UVRAG: variants seen among roughly 807,000 people sequenced by gnomAD.
The protein encoded by UVRAG is UV radiation resistance-associated gene protein.
A neutral mutation model predicts 78.0 loss-of-function variants in UVRAG; 19 were observed. That is an observed-to-expected ratio of 0.24 (90% CI 0.17 to 0.36). The LOEUF (loss-of-function observed/expected upper bound fraction) is 0.36. UVRAG is among the 10% of genes least tolerant of loss of function. The pLI is 1.00. For missense variants in UVRAG, 740 were observed against 853.8 expected (o/e 0.87, Z 1.66); for synonymous variants, 323 against 324.6 (o/e 1.00, Z 0.05).
At chr11:75,990,636 A>G (rs1949586737) in intron 8 of UVRAG, among the ~76,000 whole-genome samples, 1 of 152,212 alleles carries the variant, frequency 6.6e-6, no homozygotes, top group Admixed American at 6.5e-5. Context: ...GCTTTGTTCT[A>G]TCTTACCTGC....
At chr11:76,103,539 T>G (rs1482199045) in intron 13 of UVRAG, among the ~76,000 whole-genome samples, 2 of 120,560 alleles carry the variant, frequency 1.7e-5, no homozygotes, top group Non-Finnish European at 3.2e-5. Context: ...CTGTTTTGGT[T>G]TTTTTTTTTT....
chr11:75,949,772 C>T (rs1417976261), intron 6 of UVRAG, among the ~76,000 whole-genome samples: 1 of 146,832 alleles, frequency 6.8e-6, no homozygotes, highest in African/African-American at 2.6e-5. Context: ...TACATATATA[C>T]ACATATATAT....
intron 12 of UVRAG, 56 bp downstream of exon 12, chr11:76,017,036 G>A (rs1950160951): frequency 2.3e-6 from 3 of 1,317,486 alleles, no homozygotes; most frequent in Non-Finnish European, 2.0e-6. Context: ...ATAAAACATG[G>A]GGTATAACAA....
chr11:76,099,980 A>T (rs1951851169), intron 13 of UVRAG, among the ~76,000 whole-genome samples: 1 of 152,044 alleles, frequency 6.6e-6, no homozygotes, highest in South Asian at 2.1e-4. Context: ...AGTAGTGAAC[A>T]TCTCTGTCTT....
intron 3 of UVRAG, among the ~76,000 whole-genome samples, chr11:75,865,734 C>T (rs1203227792): frequency 6.6e-6 from 1 of 151,968 alleles, no homozygotes; most frequent in East Asian, 1.9e-4. Context: ...CTTGCTTCAG[C>T]CTCCTGAGTA....
intron 13 of UVRAG, among the ~76,000 whole-genome samples, chr11:76,076,541 A>G (rs528018762): frequency 6.6e-6 from 1 of 152,188 alleles, no homozygotes; most frequent in Non-Finnish European, 1.5e-5. Flanking sequence ...ACGTGGAATT[A>G]TGGGAGCTAC....
intron 13 of UVRAG, among the ~76,000 whole-genome samples, chr11:76,071,768 G>A (rs1448506331): frequency 6.6e-6 from 1 of 152,094 alleles, no homozygotes; most frequent in Non-Finnish European, 1.5e-5. Context: ...TATGGGACAT[G>A]AACTAGTGGA....
chr11:76,124,913 A>T (rs1336911430), intron 14 of UVRAG, among the ~76,000 whole-genome samples: 1 of 152,244 alleles, frequency 6.6e-6, no homozygotes, highest in East Asian at 1.9e-4. Flanking sequence ...GAGCCAATCT[A>T]CTTTCCTTAA....
At chr11:75,877,685 G>C (rs1946829670) in intron 3 of UVRAG, among the ~76,000 whole-genome samples, 1 of 140,414 alleles carries the variant, frequency 7.1e-6, no homozygotes, top group Admixed American at 6.8e-5. Context: ...AGGGGCGGCT[G>C]GGCAGAGGCG....
intron 8 of UVRAG, among the ~76,000 whole-genome samples, chr11:75,985,985 A>C (rs1001349832): frequency 7.9e-5 from 12 of 152,092 alleles, no homozygotes; most frequent in African/African-American, 2.7e-4. Context: ...TTTTTCTTCA[A>C]GATTACCTCA....
rs1951883889 is a variant in UVRAG at position 76,101,781 on chromosome 11, T to A, written c.1306-14143T>A. On this transcript the variant is annotated intron_variant, in intron 13 of 14. Transcript: ENST00000356136. ...GTATGGCATAAGGAAGGGGGTTCAATTTCAGTCTTCTGCATATGGCTAGTC... is the reference window on the plus strand; with the variant it reads ...GTATGGCATAAGGAAGGGGGTTCAAATTCAGTCTTCTGCATATGGCTAGTC... Among the ~76,000 whole-genome samples the A allele has an allele frequency of 3.9e-5, 6 of 152,220 alleles. No individual in the cohort carries two copies. The South Asian group carries it at 1.2e-3, about 32-fold the overall frequency.
chr11:76,034,010 A>G (rs1316084722), intron 12 of UVRAG, among the ~76,000 whole-genome samples: 1 of 152,222 alleles, frequency 6.6e-6, no homozygotes, highest in Non-Finnish European at 1.5e-5. Context: ...AGTAGCTGTT[A>G]CATATATGCA....
intron 13 of UVRAG, among the ~76,000 whole-genome samples, chr11:76,090,413 T>C (rs1324920364): frequency 6.6e-6 from 1 of 152,112 alleles, no homozygotes; most frequent in African/African-American, 2.4e-5. Flanking sequence ...GCCAACCCAC[T>C]CAGCATAAAT....
At chr11:76,109,099 ATACAGAC>A (rs1453699018) in intron 13 of UVRAG, among the ~76,000 whole-genome samples, 4 of 152,222 alleles carry the variant, frequency 2.6e-5, no homozygotes, top group Admixed American at 6.5e-5. Context: ...TGAGGCAGTT[ATACAGAC>A]CCAAAGCAAT....
chr11:75,851,013 G>A lies in UVRAG; in HGVS notation c.118-870G>A, dbSNP rs190661655. 9.3e-4 allele frequency among the ~76,000 whole-genome samples: 142 copies of A among 152,312 alleles called. 3 individuals carry two copies. In the East Asian group the frequency reaches 0.019, roughly 21 times the overall value. On this transcript the variant is annotated intron_variant, in intron 1 of 14. Coordinates refer to ENST00000356136, the MANE Select transcript of UVRAG (RefSeq NM_003369.4). ...GTGAACTGGCTTTCAGCCTGCGGGAGAGCTTTAAGCACATTTTAAGTGTGA... is the reference window on the plus strand; with the variant it reads ...GTGAACTGGCTTTCAGCCTGCGGGAAAGCTTTAAGCACATTTTAAGTGTGA...
At chr11:76,108,858 C>T (rs1488275666) in intron 13 of UVRAG, among the ~76,000 whole-genome samples, 1 of 152,110 alleles carries the variant, frequency 6.6e-6, no homozygotes, top group Non-Finnish European at 1.5e-5. Flanking sequence ...ATTGTTTCTC[C>T]CCACTTCCCA....
At chr11:75,881,118 G>A (rs1402469792) in intron 4 of UVRAG, among the ~76,000 whole-genome samples, 10 of 151,706 alleles carry the variant, frequency 6.6e-5, no homozygotes, top group East Asian at 3.9e-4. Flanking sequence ...ACAGGCAGGC[G>A]CCATCATGCC....
chr11:75,949,901 A>G (rs1447023260), intron 6 of UVRAG, among the ~76,000 whole-genome samples: 1 of 152,072 alleles, frequency 6.6e-6, no homozygotes, highest in African/African-American at 2.4e-5. Flanking sequence ...CTCATTTGCC[A>G]GAGTTCTGAC....
At chr11:76,121,765 G>C (rs1210598506) in intron 14 of UVRAG, among the ~76,000 whole-genome samples, 1 of 152,160 alleles carries the variant, frequency 6.6e-6, no homozygotes, top group Non-Finnish European at 1.5e-5. Flanking sequence ...ACCCAGAATA[G>C]CCTGCCCCTT....
Sources: gnomAD v4.1 joint callset for allele counts (sites outside exome capture counted in the v4.1 genomes callset) on GRCh38, gnomAD v4.1.1 for gene constraint, MANE v1.5 for transcripts, NCBI Gene and HGNC (gene_info 2026-07-23, HGNC 2026-07-21) for gene names.